The following TRAPPC2 variants were observed in gnomAD, a reference collection of about 807,000 sequenced individuals.
The protein encoded by TRAPPC2 is sedlin.
A neutral mutation model predicts 10.0 loss-of-function variants in TRAPPC2; 4 were observed. That is an observed-to-expected ratio of 0.40 (90% CI 0.20 to 0.92). The LOEUF is 0.92. Ranked by LOEUF, TRAPPC2 falls within the 40% of genes least tolerant of loss-of-function variation. The pLI is 0.35. For missense variants in TRAPPC2, 52 were observed against 108.7 expected (o/e 0.48, Z 2.32); for synonymous variants, 36 against 37.3 (o/e 0.97, Z 0.12).
rs188485336 is a variant in TRAPPC2, at chrX:13,727,972, C to T, written c.-20+6072G>A. ...TACCATCAGAGAATACTATAAACAC[C>T]TCTACGCAAATAAACTGGAAAATCT... On this transcript the variant is annotated intron_variant, in intron 2 of 5. Transcript: ENST00000380579. Among the ~76,000 whole-genome samples, 568 of 112,093 alleles carry T rather than the reference C, an allele frequency of 5.1e-3. 3 individuals carry two copies. The highest frequency in any genetic ancestry group is 9.3e-3 in the Non-Finnish European group (495 of 53,200).
chrX:13,724,400 TAA>T (rs772302164), intron 2 of TRAPPC2, among the ~76,000 whole-genome samples: 11 of 82,302 alleles, frequency 1.3e-4, no homozygotes, highest in East Asian at 3.6e-4. Context: ...AATATATATT[TAA>T]AAAAAAAAAA....
In TRAPPC2 at chrX:13,712,609, A is replaced by G. The variant is rs1314180265; in HGVS notation, c.*1798T>C. On this transcript the variant is annotated 3_prime_UTR_variant, in exon 6 of 6. Coordinates refer to ENST00000380579, the MANE Select transcript of TRAPPC2 (RefSeq NM_001011658.4). ...GTTTACTGTCTGAGGGAAAGGAAAT[A>G]TAAGAATATAAAGTGACAGAAGCAA... 1 of 112,248 alleles carries G rather than the reference A, an allele frequency of 8.9e-6. No individual in the cohort carries two copies. The highest frequency in any genetic ancestry group is 1.9e-5 in the Non-Finnish European group (1 of 53,283). 9.3% of individuals were successfully genotyped at this position (112,248 alleles called of 1,213,427 possible). A position where few individuals can be genotyped will look rare whatever the true frequency, so the allele number is the denominator to read the frequency against.
chrX:13,718,798 A>G (rs1169685005), intron 3 of TRAPPC2, among the ~76,000 whole-genome samples: 7 of 112,046 alleles, frequency 6.2e-5, no homozygotes, highest in African/African-American at 2.3e-4. Flanking sequence ...GAAACATAGC[A>G]AACTTGTCAG....
chrX:13,719,976 A>T lies in TRAPPC2; in HGVS notation c.-13T>A. The T allele has an allele frequency of 8.9e-7, 1 of 1,119,760 alleles. No individual in the cohort carries two copies. Among genetic ancestry groups the T allele is most frequent in the Non-Finnish European group, 1.2e-6 (1 of 840,676 alleles). 92.3% of individuals were successfully genotyped at this position (1,119,760 alleles called of 1,213,427 possible). On this transcript the variant is annotated 5_prime_UTR_variant, in exon 3 of 6. Coordinates refer to ENST00000380579, the MANE Select transcript of TRAPPC2 (RefSeq NM_001011658.4). Reference sequence around the variant, plus strand: ...AGCTCCCAGACATGGTCTTCAATATATGGCTCCTAATTAAGTGAAAAATAG... The same window carrying T: ...AGCTCCCAGACATGGTCTTCAATATTTGGCTCCTAATTAAGTGAAAAATAG...
At chrX:13,724,966 C>G (rs1031995690) in intron 2 of TRAPPC2, among the ~76,000 whole-genome samples, 21 of 113,387 alleles carry the variant, frequency 1.9e-4, no homozygotes, top group Admixed American at 1.8e-3. Context: ...CCTGGCTCGG[C>G]AGGTCCCACG....
rs775722862 is a variant in TRAPPC2, at chrX:13,716,569, T to C, written c.203A>G (p.Asn68Ser). The C allele has an allele frequency of 7.4e-6, 9 of 1,211,836 alleles. No homozygotes were observed. The highest frequency in any genetic ancestry group is 8.9e-6 in the Non-Finnish European group (8 of 895,438). ...GACAAATGCCGACACAAACCACTCG[T>C]TGAACTTGTCCACAGTTTTCAAGTA... ...NMYLKTVDKF[N>S]EWFVSAFVTA... Residue 68 changes from asparagine (N) to serine (S), a missense_variant, in exon 4 of 6, where the codon AAC becomes AGC. Coordinates refer to ENST00000380579, the MANE Select transcript of TRAPPC2 (RefSeq NM_001011658.4).
Position 13,720,001 on chromosome X carries a change from G to C in TRAPPC2, c.-19-19C>G. ...ATGGCTCCTAATTAAGTGAAAAATA[G>C]TACATATTTTTAGTAGTCAATCTTC... On this transcript the variant is annotated intron_variant, in intron 2 of 5. Transcript: ENST00000380579. The C allele has an allele frequency of 1.0e-6, 1 of 1,002,199 alleles. No individual in the cohort carries two copies. The highest frequency in any genetic ancestry group is 3.5e-5 in the Admixed American group (1 of 28,623). The allele number at this position is 1,002,199 out of a possible 1,213,427, so 82.6% of individuals were successfully genotyped here.
In TRAPPC2 at chrX:13,714,184, T is replaced by C; in HGVS notation, c.*223A>G. 1 of 221,320 alleles carries C rather than the reference T, an allele frequency of 4.5e-6. No individual in the cohort carries two copies. Among genetic ancestry groups the C allele is most frequent in the Non-Finnish European group, 8.3e-6 (1 of 121,159 alleles). 18.2% of individuals were successfully genotyped at this position (221,320 alleles called of 1,213,427 possible). On this transcript the variant is annotated 3_prime_UTR_variant, in exon 6 of 6. Coordinates refer to ENST00000380579, the MANE Select transcript of TRAPPC2 (RefSeq NM_001011658.4). ...AAAAACATGATTATTGATAATGAAC[T>C]CTTTATAAATAACACTGTTCACAAG...
At chrX:13,734,411 G>T (rs769771517) in intron 1 of TRAPPC2, 114 bp downstream of exon 1, 27 of 267,274 alleles carry the variant, frequency 1.0e-4, no homozygotes, top group Non-Finnish European at 1.5e-4. Flanking sequence ...GTCCGGCCCG[G>T]CCACCCCGGG....
At chrX:13,730,581 G>A (rs1026249808) in intron 2 of TRAPPC2, among the ~76,000 whole-genome samples, 1 of 111,527 alleles carries the variant, frequency 9.0e-6, no homozygotes, top group East Asian at 2.8e-4. Flanking sequence ...ATACCCAAAG[G>A]ATTACAAATC....
chrX:13,716,201 T>C (rs949486831), intron 4 of TRAPPC2, 112 bp from the exon 5 acceptor site: 176 of 841,144 alleles, frequency 2.1e-4, no homozygotes, highest in Non-Finnish European at 2.2e-4. Context: ...GATGGAAAAG[T>C]TGAATATATA....
intron 2 of TRAPPC2, among the ~76,000 whole-genome samples, chrX:13,728,155 G>A (rs1204554378): frequency 9.0e-6 from 1 of 111,696 alleles, no homozygotes; most frequent in Non-Finnish European, 1.9e-5. Context: ...ATTCACATCC[G>A]AATTCTACCA....
chrX:13,715,187 T>C (rs2046265907), intron 5 of TRAPPC2, among the ~76,000 whole-genome samples: 1 of 113,102 alleles, frequency 8.8e-6, no homozygotes, highest in South Asian at 3.6e-4. Flanking sequence ...ATTAAAAACA[T>C]ATGGGCCAGG....
At position 13,715,839 on chromosome X, in the gene TRAPPC2, T is replaced by C. The variant is rs1326623847; in HGVS notation, c.324+165A>G. On this transcript the variant is annotated intron_variant, in intron 5 of 5. Transcript: ENST00000380579. ...GTTCCTAAATACATATTCACCTGGC[T>C]GTGAAGACTTACCTGCGGAGGGAGT... The C allele has an allele frequency of 6.2e-6, 6 of 972,511 alleles. No individual in the cohort carries two copies. The East Asian group carries it at 2.0e-4, about 32-fold the overall frequency. 80.1% of individuals were successfully genotyped at this position (972,511 alleles called of 1,213,427 possible).
intron 2 of TRAPPC2, among the ~76,000 whole-genome samples, chrX:13,722,751 G>A (rs1427729301): frequency 8.9e-6 from 1 of 112,121 alleles, no homozygotes; most frequent in African/African-American, 3.2e-5. Context: ...CAATATGTGA[G>A]CTAGTGTGCA....
intron 2 of TRAPPC2, among the ~76,000 whole-genome samples, chrX:13,723,095 CAAA>C (rs749531653): frequency 8.0e-5 from 5 of 62,755 alleles, no homozygotes; most frequent in Non-Finnish European, 9.0e-5. Context: ...GACTCCATCT[CAAA>C]AAAAAAAAAA....
At chrX:13,716,150 G>T in intron 4 of TRAPPC2, 61 bp from the exon 5 acceptor site, 2 of 1,075,569 alleles carry the variant, frequency 1.9e-6, no homozygotes, top group South Asian at 2.2e-5. Flanking sequence ...CCAGTTCGTT[G>T]ATACAGTATT....
intron 2 of TRAPPC2, chrX:13,722,208 C>CAGAAAAAAAAAAAAAAAAAAAAAAAA (rs1555898001): frequency 1.1e-4 from 4 of 36,118 alleles, no homozygotes; most frequent in Middle Eastern, 0.014. Context: ...TAAGCAGCAG[C>CAGAAAAAAAAAAAAAAAAAAAAAAAA]AAAAAAAAAA....
At chrX:13,731,714 C>T (rs2046681519) in intron 2 of TRAPPC2, among the ~76,000 whole-genome samples, 2 of 111,963 alleles carry the variant, frequency 1.8e-5, no homozygotes, top group Admixed American at 9.5e-5. Context: ...ACTTGAGTGT[C>T]AATACTCGGA....
Sources: gnomAD v4.1 joint callset for allele counts (sites outside exome capture counted in the v4.1 genomes callset) on GRCh38, gnomAD v4.1.1 for gene constraint, MANE v1.5 for transcripts, NCBI Gene and HGNC (gene_info 2026-07-23, HGNC 2026-07-21) for gene names.